Variants in IL1RAPL1 observed in about 807,000 individuals in gnomAD.
The protein encoded by IL1RAPL1 is interleukin-1 receptor accessory protein-like 1.
Under a neutral mutation model 48.4 loss-of-function variants are expected in IL1RAPL1, and 3 were observed. The ratio of observed to expected loss-of-function variants is 0.06; its 90% CI spans 0.03 to 0.16. IL1RAPL1 has a LOEUF of 0.16. IL1RAPL1 is among the 10% of genes least tolerant of loss of function. The pLI is 1.00. For missense variants in IL1RAPL1, 349 were observed against 530.6 expected (o/e 0.66, Z 3.36); for synonymous variants, 185 against 187.7 (o/e 0.99, Z 0.12).
intron 5 of IL1RAPL1, among the ~76,000 whole-genome samples, chrX:29,560,883 A>G (rs1416725075): frequency 8.9e-6 from 1 of 112,082 alleles, no homozygotes; most frequent in Non-Finnish European, 1.9e-5. Flanking sequence ...AGTTACTACC[A>G]AAATTGTGAG....
intron 2 of IL1RAPL1, among the ~76,000 whole-genome samples, chrX:28,796,996 T>C (rs1373659698): frequency 3.6e-5 from 4 of 112,341 alleles, no homozygotes; most frequent in Non-Finnish European, 7.5e-5. Flanking sequence ...TTCCGTGCAC[T>C]GCCAGGCTCA....
chrX:29,941,934 C>T, intron 9 of IL1RAPL1, 140 bp downstream of exon 9: 1 of 555,152 alleles, frequency 1.8e-6, no homozygotes. Flanking sequence ...TTGTAAATTT[C>T]TCTTTTGTAA....
intron 3 of IL1RAPL1, among the ~76,000 whole-genome samples, chrX:29,328,966 A>G (rs1024086212): frequency 3.6e-5 from 4 of 111,757 alleles, no homozygotes; most frequent in African/African-American, 1.3e-4. Flanking sequence ...GCTTCAAATT[A>G]TGATATAGAA....
intron 2 of IL1RAPL1, among the ~76,000 whole-genome samples, chrX:29,215,341 T>C (rs1930847126): frequency 1.1e-5 from 1 of 90,293 alleles, no homozygotes; most frequent in Admixed American, 1.1e-4. Context: ...AGACTCTGTC[T>C]CAAAAAAAAA....
At chrX:29,008,605 A>G (rs1926047403) in intron 2 of IL1RAPL1, among the ~76,000 whole-genome samples, 1 of 112,624 alleles carries the variant, frequency 8.9e-6, no homozygotes. Context: ...TTTTTCAATT[A>G]AAAGTACAGT....
rs763278782 is a variant in IL1RAPL1, at chrX:28,947,318, T to C, written c.82+157893T>C. 4.5e-5 allele frequency among the ~76,000 whole-genome samples: 5 copies of C among 111,593 alleles called. No homozygotes were observed. The East Asian group carries it at 1.4e-3, about 32-fold the overall frequency. ...TCTGAAGTTTAATTCCCCATTAGAG[T>C]TGATTCACTACATACCAAAGGATAT... On this transcript the variant is annotated intron_variant, in intron 2 of 10. Coordinates refer to ENST00000378993, the MANE Select transcript of IL1RAPL1 (RefSeq NM_014271.4).
chrX:29,813,462 G>A (rs747810177), intron 6 of IL1RAPL1, among the ~76,000 whole-genome samples: 11 of 111,708 alleles, frequency 9.8e-5, no homozygotes, highest in African/African-American at 3.6e-4. Flanking sequence ...AAAAAAATCA[G>A]TTTGCTTGGG....
intron 5 of IL1RAPL1, among the ~76,000 whole-genome samples, chrX:29,546,836 C>G (rs1368194283): frequency 8.9e-6 from 1 of 112,191 alleles, no homozygotes; most frequent in Non-Finnish European, 1.9e-5. Context: ...GAAAACTGAG[C>G]TTAAGGGCAA....
intron 2 of IL1RAPL1, among the ~76,000 whole-genome samples, chrX:28,863,810 G>T (rs1053346063): frequency 1.8e-5 from 2 of 111,429 alleles, no homozygotes; most frequent in Non-Finnish European, 3.8e-5. Flanking sequence ...GATATGAATA[G>T]ATTCAATAAT....
intron 6 of IL1RAPL1, among the ~76,000 whole-genome samples, chrX:29,866,583 G>A (rs978054295): frequency 3.2e-4 from 35 of 107,838 alleles, no homozygotes; most frequent in African/African-American, 1.2e-3. Flanking sequence ...GTGGTGTTAG[G>A]TATGAAGCAA....
intron 1 of IL1RAPL1, among the ~76,000 whole-genome samples, chrX:28,649,276 C>T (rs931553723): frequency 5.4e-5 from 6 of 112,143 alleles, no homozygotes; most frequent in African/African-American, 9.7e-5. Flanking sequence ...AGTAATCACA[C>T]AAAGTGTATT....
chrX:29,467,345 G>A (rs186180393), intron 5 of IL1RAPL1, among the ~76,000 whole-genome samples: 36 of 112,595 alleles, frequency 3.2e-4, no homozygotes, highest in Admixed American at 2.6e-3. Context: ...CCATTGCTTC[G>A]CTCATTCTCT....
In IL1RAPL1 at chrX:29,078,425, C is replaced by T. The variant is rs762246730; in HGVS notation, c.83-204513C>T. On this transcript the variant is annotated intron_variant, in intron 2 of 10. Coordinates refer to ENST00000378993, the MANE Select transcript of IL1RAPL1 (RefSeq NM_014271.4). The stretch of plus-strand genomic sequence containing the variant: ...CCATTTGAGAATGACTCTATCTCTT[C>T]GTACACTTGCAAATAGAATTGTAAT... Among the ~76,000 whole-genome samples the T allele has an allele frequency of 4.4e-5, 5 of 112,731 alleles. No homozygotes were observed. In the South Asian group the frequency reaches 1.1e-3, roughly 25 times the overall value.
chrX:29,521,950 GGT>G (rs1935507578), intron 5 of IL1RAPL1, among the ~76,000 whole-genome samples: 1 of 110,769 alleles, frequency 9.0e-6, no homozygotes, highest in Middle Eastern at 4.2e-3. Context: ...CTTTTACTGT[GGT>G]GTTCCCTGTA....
intron 3 of IL1RAPL1, among the ~76,000 whole-genome samples, chrX:29,364,322 G>A (rs1933416192): frequency 9.1e-6 from 1 of 110,260 alleles, no homozygotes; most frequent in Non-Finnish European, 1.9e-5. Context: ...ACTTTGGGAG[G>A]TCGAGATGAG....
intron 2 of IL1RAPL1, among the ~76,000 whole-genome samples, chrX:29,184,531 ATC>A (rs1930213803): frequency 9.0e-6 from 1 of 111,239 alleles, no homozygotes. Context: ...GACAGAGACT[ATC>A]TCTGTCGCCC....
At chrX:29,443,288 T>C (rs1433487068) in intron 5 of IL1RAPL1, among the ~76,000 whole-genome samples, 1 of 107,986 alleles carries the variant, frequency 9.3e-6, no homozygotes, top group Non-Finnish European at 1.9e-5. Flanking sequence ...ACAAATTATT[T>C]AATATTAACC....
At chrX:28,705,728 C>G (rs1247632739) in intron 1 of IL1RAPL1, among the ~76,000 whole-genome samples, 1 of 111,774 alleles carries the variant, frequency 8.9e-6, no homozygotes, top group African/African-American at 3.3e-5. Flanking sequence ...GGATGTCTTT[C>G]TAGAAACCGG....
chrX:29,241,599 G>C (rs1468047676), intron 2 of IL1RAPL1, among the ~76,000 whole-genome samples: 1 of 111,260 alleles, frequency 9.0e-6, no homozygotes, highest in Admixed American at 9.6e-5. Context: ...CAAAAATCTT[G>C]CTACCACAAT....
Sources: allele counts gnomAD v4.1 joint callset (sites outside exome capture counted in the v4.1 genomes callset), GRCh38; gene constraint gnomAD v4.1.1; transcripts MANE v1.5; gene names NCBI Gene and HGNC (gene_info 2026-07-23, HGNC 2026-07-21).